Variants in SGCZ observed in about 807,000 individuals in gnomAD.
The protein encoded by SGCZ is zeta-sarcoglycan.
In SGCZ, 40 loss-of-function variants were observed where a neutral mutation model predicts 41.3. The ratio of observed to expected loss-of-function variants is 0.97; its 90% CI spans 0.75 to 1.26. The LOEUF (loss-of-function observed/expected upper bound fraction) is 1.26, where lower values mean the gene tolerates loss of function less well. Among genes scored for constraint, SGCZ ranks in the 50% most tolerant of loss-of-function variants. The pLI is 0.00. For missense variants in SGCZ, 552 were observed against 369.8 expected, an observed-to-expected ratio of 1.49 and a Z score of -4.04; for synonymous variants, 206 against 137.5, an observed-to-expected ratio of 1.50 and a Z score of -3.49.
At chr8:14,746,813 G>C (rs1799350732) in intron 1 of SGCZ, among the ~76,000 whole-genome samples, 1 of 152,092 alleles carries the variant, frequency 6.6e-6, no homozygotes, top group South Asian at 2.1e-4. Context: ...AAGATAAGTA[G>C]TCTCTTTTGA....
intron 1 of SGCZ, among the ~76,000 whole-genome samples, chr8:14,937,071 G>A (rs960027256): frequency 1.3e-5 from 2 of 151,608 alleles, no homozygotes; most frequent in Admixed American, 6.6e-5. Context: ...TAGAAAATAA[G>A]ATAAAAATGA....
At chr8:14,699,544 G>T (rs1472896165) in intron 1 of SGCZ, among the ~76,000 whole-genome samples, 1 of 151,784 alleles carries the variant, frequency 6.6e-6, no homozygotes, top group African/African-American at 2.4e-5. Flanking sequence ...TACCATTCTG[G>T]ACATCGACCT....
chr8:14,532,600 A>G (rs922836199), intron 2 of SGCZ, among the ~76,000 whole-genome samples: 1 of 151,416 alleles, frequency 6.6e-6, no homozygotes, highest in African/African-American at 2.4e-5. Context: ...AAATGATAAT[A>G]ATGCAAAAAT....
At chr8:14,220,242 A>G (rs1007005347) in intron 4 of SGCZ, among the ~76,000 whole-genome samples, 2 of 152,212 alleles carry the variant, frequency 1.3e-5, no homozygotes, top group Non-Finnish European at 2.9e-5. Flanking sequence ...GATAAATTGT[A>G]GTGTATTTAT....
intron 1 of SGCZ, among the ~76,000 whole-genome samples, chr8:15,230,253 C>T (rs181417033): frequency 6.6e-6 from 1 of 150,964 alleles, no homozygotes; most frequent in African/African-American, 2.4e-5. Flanking sequence ...ATGATGGTAG[C>T]TCAAATACTG....
intron 2 of SGCZ, among the ~76,000 whole-genome samples, chr8:14,371,957 C>G (rs1315460033): frequency 6.6e-6 from 1 of 151,836 alleles, no homozygotes; most frequent in Non-Finnish European, 1.5e-5. Flanking sequence ...CTGACATAAA[C>G]TGGAGAACTA....
chr8:14,911,731 T>TTA (rs1295667504), intron 1 of SGCZ, among the ~76,000 whole-genome samples: 2 of 151,904 alleles, frequency 1.3e-5, no homozygotes, highest in Non-Finnish European at 2.9e-5. Flanking sequence ...TTAAAAATAT[T>TTA]TATATATATG....
At chr8:14,507,859 C>T (rs1171907758) in intron 2 of SGCZ, among the ~76,000 whole-genome samples, 2 of 151,138 alleles carry the variant, frequency 1.3e-5, no homozygotes, top group Non-Finnish European at 1.5e-5. Flanking sequence ...GCAATCTCTG[C>T]CTCCCAGATT....
rs1040650342 is a variant in SGCZ, at chr8:14,434,798, G to A, written c.235-110594C>T. Among the ~76,000 whole-genome samples the A allele has an allele frequency of 3.3e-5, 5 of 152,094 alleles. No homozygotes were observed. The East Asian group carries it at 5.8e-4, about 18-fold the overall frequency. ...CTGTTAGTTAGCTAGGCACGGTAAC[G>A]CATGCCTGCAGTCCCAGCTACTATG... is the stretch of plus-strand genomic sequence containing the variant. On this transcript the variant is annotated intron_variant, in intron 2 of 7. Transcript: ENST00000382080.
chr8:15,062,592 A>T (rs1804978188), intron 1 of SGCZ, among the ~76,000 whole-genome samples: 1 of 152,186 alleles, frequency 6.6e-6, no homozygotes, highest in African/African-American at 2.4e-5. Flanking sequence ...GCCCATCTGA[A>T]TAATAAACTT....
rs543791229 is a variant in SGCZ, at chr8:14,308,487, C to A, written c.336+15616G>T. Among the ~76,000 whole-genome samples, 85 of 152,052 alleles carry A rather than the reference C, an allele frequency of 5.6e-4. 1 individual carries two copies. The highest frequency in any genetic ancestry group is 3.4e-3 in the Middle Eastern group (1 of 294). On this transcript the variant is annotated intron_variant, in intron 3 of 7. Transcript: ENST00000382080. ...ATATTGGTCAAAGGCAGGGTTCAAG[C>A]TTCAATGCAGGGTACCAAGGGCATT...
At chr8:14,208,549 T>C (rs1805692599) in intron 4 of SGCZ, among the ~76,000 whole-genome samples, 1 of 152,204 alleles carries the variant, frequency 6.6e-6, no homozygotes, top group African/African-American at 2.4e-5. Context: ...GATATGTTCC[T>C]ATCAAATTGT....
Position 14,354,949 on chromosome 8 carries a change from A to T in SGCZ, c.235-30745T>A, listed in dbSNP as rs889894293. Among the ~76,000 whole-genome samples the T allele has an allele frequency of 4.6e-5, 7 of 151,924 alleles. No individual in the cohort carries two copies. The South Asian group carries it at 1.2e-3, about 27-fold the overall frequency. ...GCTGTAAGGATCTGGATGTATTGCT[A>T]AGCAGTTTTCTTAGTTCAATATTAA... On this transcript the variant is annotated intron_variant, in intron 2 of 7. Transcript: ENST00000382080.
chr8:14,096,725 G>A (rs1382522234), intron 7 of SGCZ, among the ~76,000 whole-genome samples: 1 of 151,960 alleles, frequency 6.6e-6, no homozygotes, highest in Non-Finnish European at 1.5e-5. Context: ...CTTTGTATCT[G>A]TCTGGTCCAG....
chr8:15,064,382 C>T (rs991681549), intron 1 of SGCZ, among the ~76,000 whole-genome samples: 3 of 152,054 alleles, frequency 2.0e-5, no homozygotes, highest in Admixed American at 6.5e-5. Flanking sequence ...CTCCTATCCC[C>T]GCACATATAT....
chr8:14,661,419 C>A (rs1053005155), intron 1 of SGCZ, among the ~76,000 whole-genome samples: 1 of 152,038 alleles, frequency 6.6e-6, no homozygotes, highest in Non-Finnish European at 1.5e-5. Flanking sequence ...TTTCCTCTTA[C>A]AATTAAAATG....
At chr8:14,550,938 T>C (rs967652301) in intron 2 of SGCZ, among the ~76,000 whole-genome samples, 1 of 152,008 alleles carries the variant, frequency 6.6e-6, no homozygotes, top group African/African-American at 2.4e-5. Flanking sequence ...TCTTGGGATT[T>C]TTCTTTCAGC....
chr8:14,852,449 C>A (rs1023094933), intron 1 of SGCZ, among the ~76,000 whole-genome samples: 1 of 152,082 alleles, frequency 6.6e-6, no homozygotes, highest in Non-Finnish European at 1.5e-5. Flanking sequence ...AGAAAGGAAG[C>A]TGTACTTATT....
intron 1 of SGCZ, among the ~76,000 whole-genome samples, chr8:14,882,645 C>T (rs1479172797): frequency 6.6e-6 from 1 of 152,072 alleles, no homozygotes; most frequent in Non-Finnish European, 1.5e-5. Context: ...GTTTATTGTC[C>T]ACCACCTATA....
Sources: allele counts gnomAD v4.1 joint callset (sites outside exome capture counted in the v4.1 genomes callset), GRCh38; gene constraint gnomAD v4.1.1; transcripts MANE v1.5; gene names NCBI Gene and HGNC (gene_info 2026-07-23, HGNC 2026-07-21).